The following PACRG variants were observed in gnomAD, a reference collection of about 807,000 sequenced individuals.
PACRG encodes parkin coregulated gene protein.
In PACRG, 29 loss-of-function variants were observed where a neutral mutation model predicts 29.7. The observed-to-expected ratio is 0.98, with a 90% confidence interval of 0.73 to 1.33. The LOEUF is 1.33. PACRG is among the 40% of genes most tolerant of loss of function. PACRG has a pLI of 0.00. For missense variants in PACRG, 279 were observed against 316.2 expected (o/e 0.88, Z 0.89); for synonymous variants, 116 against 118.7 (o/e 0.98, Z 0.15).
chr6:163,199,377 A>T (rs6917118), intron 4 of PACRG, among the ~76,000 whole-genome samples: 1 of 152,020 alleles, frequency 6.6e-6, no homozygotes, highest in African/African-American at 2.4e-5. Context: ...AGGCTCCTCC[A>T]GGGTTTGTGT....
At chr6:162,743,104 A>T (rs932985362) in intron 1 of PACRG, among the ~76,000 whole-genome samples, 1 of 152,162 alleles carries the variant, frequency 6.6e-6, no homozygotes, top group African/African-American at 2.4e-5. Flanking sequence ...TTTAAATTAC[A>T]GTGCCCTGAT....
intron 4 of PACRG, among the ~76,000 whole-genome samples, chr6:163,262,266 T>C (rs1783355964): frequency 6.6e-6 from 1 of 152,210 alleles, no homozygotes; most frequent in South Asian, 2.1e-4. Flanking sequence ...AACTCTGCCC[T>C]GGAATATTAT....
intron 2 of PACRG, among the ~76,000 whole-genome samples, chr6:162,992,952 G>T (rs185478229): frequency 6.6e-6 from 1 of 151,614 alleles, no homozygotes; most frequent in Non-Finnish European, 1.5e-5. Context: ...CTCTGTTCTC[G>T]TTGGTTTCAA....
rs1798129457 is a variant in PACRG, at chr6:162,934,979, T to G, written c.291+120698T>G. Among the ~76,000 whole-genome samples, 3 of 152,280 alleles carry G rather than the reference T, an allele frequency of 2.0e-5. No individual in the cohort carries two copies. In the South Asian group the frequency reaches 6.2e-4, roughly 32 times the overall value. ...TAACATTCTTGGCTGATAGTTGTTG[T>G]TTTTTCTTTCAGTACTTTGAAGATA... On this transcript the variant is annotated intron_variant, in intron 2 of 4. Coordinates refer to ENST00000366888, the MANE Select transcript of PACRG (RefSeq NM_001080379.2).
intron 2 of PACRG, among the ~76,000 whole-genome samples, chr6:162,977,982 A>T (rs1467880821): frequency 1.3e-5 from 2 of 150,696 alleles, no homozygotes; most frequent in Non-Finnish European, 2.9e-5. Context: ...CATCTCTACT[A>T]AAAATACAAA....
intron 1 of PACRG, among the ~76,000 whole-genome samples, chr6:162,760,853 C>T (rs1237965761): frequency 1.3e-5 from 2 of 152,100 alleles, no homozygotes; most frequent in African/African-American, 4.8e-5. Context: ...TGTGGTGAAA[C>T]AGGGAGACCA....
chr6:163,305,911 A>G (rs1785183607), intron 4 of PACRG, among the ~76,000 whole-genome samples: 2 of 152,232 alleles, frequency 1.3e-5, no homozygotes, highest in Non-Finnish European at 2.9e-5. Context: ...TTCTGTAGGT[A>G]GCAAATGTTC....
chr6:163,086,371 A>G (rs1431743043), intron 3 of PACRG, among the ~76,000 whole-genome samples: 1 of 152,172 alleles, frequency 6.6e-6, no homozygotes, highest in Admixed American at 6.5e-5. Flanking sequence ...TCTTAAGCTA[A>G]ATGATAGCAT....
chr6:162,861,049 T>C (rs941164089), intron 2 of PACRG, among the ~76,000 whole-genome samples: 1 of 152,130 alleles, frequency 6.6e-6, no homozygotes, highest in African/African-American at 2.4e-5. Context: ...AGAAAAACAA[T>C]GGACAAGGAG....
intron 4 of PACRG, chr6:163,244,911 T>C: frequency 3.2e-6 from 1 of 315,340 alleles, no homozygotes; most frequent in South Asian, 2.7e-5. Context: ...TAGAGAAAAA[T>C]TAATTCCCCG....
At chr6:163,237,087 A>G (rs1464921750) in intron 4 of PACRG, among the ~76,000 whole-genome samples, 3 of 152,340 alleles carry the variant, frequency 2.0e-5, no homozygotes, top group Non-Finnish European at 2.9e-5. Context: ...GACTGGGGAC[A>G]CAGAGCCAAA....
At chr6:162,743,388 A>C (rs1780746751) in intron 1 of PACRG, among the ~76,000 whole-genome samples, 1 of 152,176 alleles carries the variant, frequency 6.6e-6, no homozygotes, top group African/African-American at 2.4e-5. Context: ...TCACTCTTGA[A>C]TTATTCCCAC....
At chr6:163,137,572 C>G (rs906109074) in intron 4 of PACRG, among the ~76,000 whole-genome samples, 6 of 152,166 alleles carry the variant, frequency 3.9e-5, no homozygotes, top group Admixed American at 3.9e-4. Context: ...CCAAACCTCC[C>G]CTGGCTCTCG....
chr6:162,778,025 C>G (rs534033307), intron 1 of PACRG, among the ~76,000 whole-genome samples: 1 of 152,122 alleles, frequency 6.6e-6, no homozygotes, highest in South Asian at 2.1e-4. Flanking sequence ...TCAGGCCTCA[C>G]AGAGCACACA....
At chr6:163,024,435 T>C (rs1222529710) in intron 2 of PACRG, among the ~76,000 whole-genome samples, 1 of 152,180 alleles carries the variant, frequency 6.6e-6, no homozygotes, top group Non-Finnish European at 1.5e-5. Flanking sequence ...TTGATCTATG[T>C]GTATATTTTT....
chr6:163,281,803 A>G (rs571154301), intron 4 of PACRG, among the ~76,000 whole-genome samples: 1 of 152,328 alleles, frequency 6.6e-6, no homozygotes, highest in South Asian at 2.1e-4. Context: ...ATTCAACAGC[A>G]TAGGAAAAGG....
intron 2 of PACRG, among the ~76,000 whole-genome samples, chr6:162,856,767 C>T (rs1791432914): frequency 6.6e-6 from 1 of 152,170 alleles, no homozygotes; most frequent in Non-Finnish European, 1.5e-5. Flanking sequence ...TTCTTTACAC[C>T]TGCTACTTAG....
At chr6:163,027,642 T>C (rs1487625854) in intron 2 of PACRG, among the ~76,000 whole-genome samples, 1 of 152,110 alleles carries the variant, frequency 6.6e-6, no homozygotes, top group Admixed American at 6.5e-5. Flanking sequence ...ACCCCACAGA[T>C]ACAGAGGGGC....
chr6:163,101,255 A>C (rs561670936), intron 4 of PACRG: 1 of 981,580 alleles, frequency 1.0e-6, no homozygotes, highest in African/African-American at 1.7e-5. Context: ...GAATTTAAAA[A>C]ACAAGATGTA....
Sources: gnomAD v4.1 joint callset for allele counts (sites outside exome capture counted in the v4.1 genomes callset) on GRCh38, gnomAD v4.1.1 for gene constraint, MANE v1.5 for transcripts, NCBI Gene and HGNC (gene_info 2026-07-23, HGNC 2026-07-21) for gene names.